Variants in SUGCT observed in about 807,000 individuals in gnomAD.
SUGCT encodes the protein succinyl-CoA:glutarate CoA-transferase.
SUGCT carries 41 observed loss-of-function variants against 55.0 expected under a neutral mutation model. The ratio of observed to expected loss-of-function variants is 0.74; its 90% CI spans 0.58 to 0.97. The LOEUF (loss-of-function observed/expected upper bound fraction) is 0.97. Among genes scored for constraint, SUGCT ranks in the 50% least tolerant of loss-of-function variants. SUGCT has a pLI of 0.00. For missense variants in SUGCT, 568 were observed against 547.8 expected (o/e 1.04, Z -0.37); for synonymous variants, 187 against 200.4 (o/e 0.93, Z 0.56).
At chr7:40,323,230 C>T (rs1328897579) in intron 9 of SUGCT, among the ~76,000 whole-genome samples, 3 of 152,154 alleles carry the variant, frequency 2.0e-5, no homozygotes, top group African/African-American at 7.2e-5. Flanking sequence ...TCCTCTCTTG[C>T]AGTGATCCTT....
chr7:40,607,726 G>C (rs559363130), intron 12 of SUGCT, among the ~76,000 whole-genome samples: 64 of 152,126 alleles, frequency 4.2e-4, no homozygotes, highest in Non-Finnish European at 7.6e-4. Flanking sequence ...TAGGTGCCAG[G>C]AAATTTACTA....
chr7:40,334,344 T>C (rs1440471691), intron 9 of SUGCT, among the ~76,000 whole-genome samples: 1 of 152,198 alleles, frequency 6.6e-6, no homozygotes, highest in Non-Finnish European at 1.5e-5. Flanking sequence ...CCACAATGGT[T>C]GAACTAGTTT....
At chr7:40,657,647 G>T (rs2151848937) in intron 12 of SUGCT, among the ~76,000 whole-genome samples, 1 of 151,772 alleles carries the variant, frequency 6.6e-6, no homozygotes, top group South Asian at 2.1e-4. Flanking sequence ...CGATTCTCCT[G>T]CCTCAGCCTC....
intron 11 of SUGCT, 69 bp from the exon 12 acceptor site, chr7:40,496,215 C>T (rs1275020961): frequency 5.3e-6 from 5 of 938,436 alleles, no homozygotes; most frequent in Non-Finnish European, 5.1e-6. Context: ...TCAAAGAGGG[C>T]CACATGATAG....
At chr7:40,432,888 A>G (rs1450828393) in intron 9 of SUGCT, among the ~76,000 whole-genome samples, 2 of 151,344 alleles carry the variant, frequency 1.3e-5, no homozygotes, top group Non-Finnish European at 2.9e-5. Flanking sequence ...TAAGTACTTT[A>G]TCCTTTCTCT....
At chr7:40,259,530 A>G (rs1791075282) in intron 7 of SUGCT, among the ~76,000 whole-genome samples, 2 of 152,190 alleles carry the variant, frequency 1.3e-5, no homozygotes, top group South Asian at 4.1e-4. Flanking sequence ...CCATTCTACA[A>G]TGTGCATATG....
At chr7:40,372,817 T>C (rs1784353632) in intron 9 of SUGCT, among the ~76,000 whole-genome samples, 1 of 152,012 alleles carries the variant, frequency 6.6e-6, no homozygotes, top group South Asian at 2.1e-4. Context: ...AAAACAAATA[T>C]GACTGAGGAG....
chr7:40,244,122 C>T (rs1042043935), intron 7 of SUGCT, among the ~76,000 whole-genome samples: 10 of 152,054 alleles, frequency 6.6e-5, no homozygotes, highest in African/African-American at 2.4e-4. Flanking sequence ...GCTGTGAGCC[C>T]AGATTGCGCC....
the SUGCT span, among the ~76,000 whole-genome samples, chr7:40,954,310 A>G: frequency 6.6e-6 from 1 of 152,164 alleles, no homozygotes; most frequent in Non-Finnish European, 1.5e-5. Context: ...AAAGCACCAT[A>G]TTAGGGTGGG....
chr7:40,954,100 C>G, the SUGCT span, among the ~76,000 whole-genome samples: 1 of 145,864 alleles, frequency 6.9e-6, no homozygotes, highest in Admixed American at 6.8e-5. Flanking sequence ...TGGGCTCCAC[C>G]CAGTTCGAGC....
intron 11 of SUGCT, among the ~76,000 whole-genome samples, chr7:40,483,341 G>A (rs1418822144): frequency 6.6e-6 from 1 of 152,146 alleles, no homozygotes; most frequent in African/African-American, 2.4e-5. Context: ...AGTGTCTTCT[G>A]CTTCCCTGCC....
At chr7:40,767,823 T>C (rs1788881925) in intron 13 of SUGCT, among the ~76,000 whole-genome samples, 1 of 152,170 alleles carries the variant, frequency 6.6e-6, no homozygotes, top group Admixed American at 6.5e-5. Flanking sequence ...CAGAATTCAA[T>C]TCCTGACATT....
chr7:40,426,277 G>T (rs748234985), intron 9 of SUGCT, among the ~76,000 whole-genome samples: 1 of 152,140 alleles, frequency 6.6e-6, no homozygotes, highest in Non-Finnish European at 1.5e-5. Context: ...CAACAAGGTA[G>T]ATAATTGGTT....
chr7:40,182,267 G>C (rs970751531), intron 3 of SUGCT, among the ~76,000 whole-genome samples: 1 of 152,066 alleles, frequency 6.6e-6, no homozygotes, highest in African/African-American at 2.4e-5. Flanking sequence ...GCACCTGAAG[G>C]CTTTTGTTAG....
chr7:40,343,807 C>T (rs1191128224), intron 9 of SUGCT, among the ~76,000 whole-genome samples: 1 of 152,178 alleles, frequency 6.6e-6, no homozygotes, highest in African/African-American at 2.4e-5. Context: ...CAGGCACCCG[C>T]CACCACGCCT....
At chr7:40,379,500 A>T (rs1784767729) in intron 9 of SUGCT, among the ~76,000 whole-genome samples, 1 of 152,186 alleles carries the variant, frequency 6.6e-6, no homozygotes, top group Non-Finnish European at 1.5e-5. Context: ...CAATTCTGGA[A>T]ATTATATGCT....
chr7:40,533,355 G>A (rs181770750), intron 12 of SUGCT, among the ~76,000 whole-genome samples: 28 of 152,106 alleles, frequency 1.8e-4, no homozygotes, highest in African/African-American at 6.5e-4. Flanking sequence ...CTTAGTAATA[G>A]TGTATCTAAT....
intron 1 of SUGCT, among the ~76,000 whole-genome samples, chr7:40,141,283 C>T (rs1338913411): frequency 6.6e-6 from 1 of 151,712 alleles, no homozygotes; most frequent in Admixed American, 6.6e-5. Flanking sequence ...GCTGGGATTA[C>T]AGGCATGAGC....
At chr7:40,147,364 G>A (rs538605055) in intron 1 of SUGCT, among the ~76,000 whole-genome samples, 15 of 152,088 alleles carry the variant, frequency 9.9e-5, no homozygotes, top group Admixed American at 4.6e-4. Context: ...TTCAACCCCC[G>A]CCTTCAATGG....
Sources: allele counts gnomAD v4.1 joint callset (sites outside exome capture counted in the v4.1 genomes callset), GRCh38; gene constraint gnomAD v4.1.1; transcripts MANE v1.5; gene names NCBI Gene and HGNC (gene_info 2026-07-23, HGNC 2026-07-21).